The following OGN variants were observed in gnomAD, a reference collection of about 807,000 sequenced individuals.
OGN encodes mimecan.
OGN carries 19 observed loss-of-function variants against 30.8 expected under a neutral mutation model. The observed-to-expected ratio is 0.62, with a 90% CI of 0.43 to 0.90. The LOEUF (loss-of-function observed/expected upper bound fraction) is 0.90, where lower values mean the gene tolerates loss of function less well. Among genes scored for constraint, OGN ranks in the 40% least tolerant of loss-of-function variants. The pLI is 0.00. For synonymous variants in OGN, 126 were observed against 128.3 expected (o/e 0.98, Z 0.12); for missense variants, 283 against 349.7 (o/e 0.81, Z 1.52).
intron 5 of OGN, among the ~76,000 whole-genome samples, chr9:92,387,453 T>A (rs1204690984): frequency 3.3e-5 from 5 of 152,136 alleles, no homozygotes; most frequent in Non-Finnish European, 5.9e-5. Flanking sequence ...TGATGCAGGT[T>A]TTTTCCCTAA....
rs910029975 is a variant in OGN at position 92,384,675 on chromosome 9, A to G, written c.*945T>C. ...GAATATTCAGTTTGTTACAGTGAAC[A>G]TGGATGTGTATGGGTGGGAAGGTAG... On this transcript the variant is annotated 3_prime_UTR_variant, in exon 7 of 7. Transcript: ENST00000375561. 1 of 152,142 alleles carries G rather than the reference A, an allele frequency of 6.6e-6. No individual in the cohort carries two copies. Among genetic ancestry groups the G allele is most frequent in the African/African-American group, 2.4e-5 (1 of 41,448 alleles). The allele number at this position is 152,142 out of a possible 1,614,324, so 9.4% of individuals were successfully genotyped here.
At chr9:92,403,953 T>C (rs780589201) in intron 1 of OGN, among the ~76,000 whole-genome samples, 5 of 152,192 alleles carry the variant, frequency 3.3e-5, no homozygotes, top group Non-Finnish European at 5.9e-5. Context: ...CTTTAGGTGG[T>C]ACAGAATATA....
At chr9:92,385,812 A>C in intron 6 of OGN, 22 bp from the exon 7 acceptor site, 1 of 1,613,306 alleles carries the variant, frequency 6.2e-7, no homozygotes, top group East Asian at 2.2e-5. Context: ...CGAGGAAAAC[A>C]TTGTTCAGAA....
At chr9:92,391,742 G>C (rs1180504709) in intron 4 of OGN, among the ~76,000 whole-genome samples, 1 of 152,214 alleles carries the variant, frequency 6.6e-6, no homozygotes, top group Non-Finnish European at 1.5e-5. Flanking sequence ...AGAAGACAGT[G>C]TTACCTTGTT....
At chr9:92,391,592 C>T (rs1440084687) in intron 4 of OGN, among the ~76,000 whole-genome samples, 2 of 152,000 alleles carry the variant, frequency 1.3e-5, no homozygotes, top group Admixed American at 6.6e-5. Flanking sequence ...GAGCGAGACC[C>T]TGTCTCAAAC....
intron 5 of OGN, among the ~76,000 whole-genome samples, chr9:92,386,864 G>T (rs545144664): frequency 1.3e-5 from 2 of 151,620 alleles, no homozygotes; most frequent in African/African-American, 4.8e-5. Flanking sequence ...TTACAGGTGT[G>T]AGCCACCATG....
intron 5 of OGN, 81 bp downstream of exon 5, chr9:92,389,773 A>G (rs1467895796): frequency 1.1e-6 from 1 of 898,168 alleles, no homozygotes; most frequent in East Asian, 2.5e-5. Flanking sequence ...TGTAATCAAA[A>G]TACAATTCTA....
At chr9:92,393,011 A>T in intron 4 of OGN, 75 bp downstream of exon 4, 1 of 1,183,190 alleles carries the variant, frequency 8.5e-7, no homozygotes, top group Non-Finnish European at 1.2e-6. Flanking sequence ...GGCAGCAACT[A>T]TATAGAAACT....
chr9:92,404,392 G>A, intron 1 of OGN, 104 bp downstream of exon 1: 3 of 695,462 alleles, frequency 4.3e-6, no homozygotes, highest in Non-Finnish European at 4.1e-6. Flanking sequence ...TGAGGTAACT[G>A]AAACTTAAAC....
At chr9:92,389,270 C>A (rs1036798224) in intron 5 of OGN, among the ~76,000 whole-genome samples, 1 of 152,094 alleles carries the variant, frequency 6.6e-6, no homozygotes, top group African/African-American at 2.4e-5. Context: ...TCTACCTAAA[C>A]CGAAGTAGAT....
intron 3 of OGN, among the ~76,000 whole-genome samples, chr9:92,396,201 T>C (rs1842883818): frequency 6.6e-6 from 1 of 152,228 alleles, no homozygotes; most frequent in South Asian, 2.1e-4. Context: ...TGGATTTTAT[T>C]TTGTTCTGGT....
At chr9:92,386,014 A>ATCTGGACT (rs1472067327) in intron 6 of OGN, among the ~76,000 whole-genome samples, 187 bp downstream of exon 6, 6 of 152,336 alleles carry the variant, frequency 3.9e-5, no homozygotes, top group South Asian at 2.1e-4. Flanking sequence ...TCTGGATGGA[A>ATCTGGACT]TCTGGACTTC....
In OGN at chr9:92,403,473, C is replaced by G; in HGVS notation, c.-66G>C. The G allele has an allele frequency of 1.3e-6, 2 of 1,514,828 alleles. No individual in the cohort carries two copies. The highest frequency in any genetic ancestry group is 1.8e-6 in the Non-Finnish European group (2 of 1,134,360). The allele number at this position is 1,514,828 out of a possible 1,614,324, so 93.8% of individuals were successfully genotyped here. On this transcript the variant is annotated 5_prime_UTR_variant, in exon 2 of 7. Coordinates refer to ENST00000375561, the MANE Select transcript of OGN (RefSeq NM_014057.5). The stretch of plus-strand genomic sequence containing the variant: ...GGCCTGCTGACTGTGGGACAAAACT[C>G]TCTTTTTCCCTGGAAATAAAAATTC...
intron 3 of OGN, among the ~76,000 whole-genome samples, 164 bp from the exon 4 acceptor site, chr9:92,393,408 G>A (rs1464637445): frequency 1.3e-5 from 2 of 152,142 alleles, no homozygotes; most frequent in Non-Finnish European, 1.5e-5. Context: ...TATTGTGCTT[G>A]ATAATTCACC....
In OGN at chr9:92,403,447, T is replaced by C. The variant is rs1843202193; in HGVS notation, c.-40A>G. 1 of 1,571,138 alleles carries C rather than the reference T, an allele frequency of 6.4e-7. No homozygotes were observed. Among genetic ancestry groups the C allele is most frequent in the Admixed American group, 2.0e-5 (1 of 50,872 alleles). ...AGGTGACTGGAAGTTAATAAACTAGTGGCCTGCTGACTGTGGGACAAAACT... is the reference window on the plus strand; with the variant it reads ...AGGTGACTGGAAGTTAATAAACTAGCGGCCTGCTGACTGTGGGACAAAACT... On this transcript the variant is annotated 5_prime_UTR_variant, in exon 2 of 7. Coordinates refer to ENST00000375561, the MANE Select transcript of OGN (RefSeq NM_014057.5).
intron 4 of OGN, among the ~76,000 whole-genome samples, chr9:92,391,435 A>G (rs989153634): frequency 1.7e-4 from 26 of 151,410 alleles, no homozygotes; most frequent in African/African-American, 5.3e-4. Context: ...ATTAAATTAA[A>G]TTACAATAAA....
chr9:92,398,025 C>A (rs186696632), intron 3 of OGN, among the ~76,000 whole-genome samples: 11 of 152,060 alleles, frequency 7.2e-5, no homozygotes, highest in Admixed American at 1.3e-4. Context: ...TCTGACAGTG[C>A]GGAACCTGGC....
At chr9:92,392,552 T>C (rs1042259451) in intron 4 of OGN, among the ~76,000 whole-genome samples, 2 of 151,408 alleles carry the variant, frequency 1.3e-5, no homozygotes, top group African/African-American at 4.9e-5. Flanking sequence ...GAGACAGAGG[T>C]TGCAGTGAGC....
chr9:92,385,546 A>T lies in OGN; in HGVS notation c.*74T>A. 7.8e-7 allele frequency: 1 copy of T among 1,276,532 alleles called. No homozygotes were observed. The highest frequency in any genetic ancestry group is 1.1e-6 in the Non-Finnish European group (1 of 902,800). 79.1% of individuals were successfully genotyped at this position (1,276,532 alleles called of 1,614,324 possible). A position where few individuals can be genotyped will look rare whatever the true frequency, so the allele number is the denominator to read the frequency against. ...CAAGGTTAATATTAAACCAATACTTAAGTTCCTTTACTCATTGTTGAGACA... is the reference window on the plus strand; with the variant it reads ...CAAGGTTAATATTAAACCAATACTTTAGTTCCTTTACTCATTGTTGAGACA... On this transcript the variant is annotated 3_prime_UTR_variant, in exon 7 of 7. Coordinates refer to ENST00000375561, the MANE Select transcript of OGN (RefSeq NM_014057.5).
Sources: allele counts gnomAD v4.1 joint callset (sites outside exome capture counted in the v4.1 genomes callset), GRCh38; gene constraint gnomAD v4.1.1; transcripts MANE v1.5; gene names NCBI Gene and HGNC (gene_info 2026-07-23, HGNC 2026-07-21).